DHRS7C: variants seen among roughly 807,000 people sequenced by gnomAD.
DHRS7C encodes the protein dehydrogenase/reductase SDR family member 7C.
Under a neutral mutation model 29.6 loss-of-function variants are expected in DHRS7C, and 28 were observed. The ratio of observed to expected loss-of-function variants is 0.95; its 90% CI spans 0.70 to 1.30. The LOEUF (loss-of-function observed/expected upper bound fraction) is 1.30, where lower values mean the gene tolerates loss of function less well. DHRS7C is among the 50% of genes most tolerant of loss of function. The probability of loss-of-function intolerance (pLI) is 0.00; values close to 1 mark genes in which losing one functional copy is unlikely to be tolerated. For synonymous variants in DHRS7C, 158 were observed against 160.2 expected, an observed-to-expected ratio of 0.99 and a Z score of 0.10; for missense variants, 403 against 393.3, an observed-to-expected ratio of 1.02 and a Z score of -0.21.
intron 5 of DHRS7C, among the ~76,000 whole-genome samples, chr17:9,772,408 C>T (rs542464643): frequency 6.6e-6 from 1 of 152,334 alleles, no homozygotes; most frequent in East Asian, 1.9e-4. Context: ...GACTCTCGGC[C>T]TCCACTCTGT....
rs78434374 is a variant in DHRS7C at position 9,779,256 on chromosome 17, G to A, written c.478+569C>T. Among the ~76,000 whole-genome samples the A allele has an allele frequency of 3.9e-3, 599 of 152,182 alleles. 3 individuals are homozygous for A. Among genetic ancestry groups the A allele is most frequent in the African/African-American group, 0.014 (566 of 41,510 alleles). On this transcript the variant is annotated intron_variant, in intron 3 of 5. Transcript: ENST00000571134. ...AAATCTGCACCTGGGTATCTCCTAG[G>A]CCCCTCAGACAGGTTCACGTAGGAA...
intron 1 of DHRS7C, among the ~76,000 whole-genome samples, chr17:9,786,793 G>A (rs1360948582): frequency 6.6e-6 from 1 of 152,250 alleles, no homozygotes; most frequent in African/African-American, 2.4e-5. Flanking sequence ...GGCCAGCAGG[G>A]AAGCCAGGAT....
chr17:9,775,411 G>A lies in DHRS7C; in HGVS notation c.571+1782C>T, dbSNP rs910745152. Among the ~76,000 whole-genome samples the A allele has an allele frequency of 5.3e-5, 8 of 152,338 alleles. No individual in the cohort carries two copies. Among genetic ancestry groups the A allele is most frequent in the Middle Eastern group, 3.4e-3 (1 of 294 alleles). ...GTTCTCCCAATAGGATGTGAGCAGC[G>A]GTGATGCCAGCCTGGGGACAATGGG... On this transcript the variant is annotated intron_variant, in intron 4 of 5. Transcript: ENST00000571134. This position sits in a 1 kb window ranked among gnomAD's most constrained non-coding sequence, Gnocchi z 4.2.
chr17:9,780,567 A>G (rs1340883945), intron 2 of DHRS7C, among the ~76,000 whole-genome samples: 2 of 152,230 alleles, frequency 1.3e-5, no homozygotes, highest in African/African-American at 4.8e-5. Flanking sequence ...TCAAGACTCT[A>G]TTGATCTAGG....
In DHRS7C at chr17:9,791,156, G is replaced by A. The variant is rs375710874; in HGVS notation, c.129C>T (p.Thr43=). 83 of 1,613,212 alleles carry A rather than the reference G, an allele frequency of 5.1e-5. No individual in the cohort carries two copies. The highest frequency in any genetic ancestry group is 2.5e-4 in the African/African-American group (19 of 74,930). Residue 43 remains threonine, a synonymous_variant, in exon 1 of 6, where the codon ACC becomes ACT. Transcript: ENST00000571134. ...SAVQNKVVVI[T]DAISGLGKEC... ...CCTTGCCCAGTCCTGAGATGGCATC[G>A]GTGATCACCACCACTTTGTTCTGCA...
intron 1 of DHRS7C, among the ~76,000 whole-genome samples, chr17:9,787,903 G>C (rs1042811497): frequency 6.6e-6 from 1 of 152,074 alleles, no homozygotes; most frequent in Non-Finnish European, 1.5e-5. Context: ...ATATGCGGGG[G>C]TCTTACTATG....
Position 9,776,000 on chromosome 17 carries a change from G to T in DHRS7C, c.571+1193C>A, listed in dbSNP as rs770881696. On this transcript the variant is annotated intron_variant, in intron 4 of 5. Transcript: ENST00000571134. The surrounding 1 kb of genome is among the most constrained non-coding windows in gnomAD (Gnocchi z 4.2). ...GTGAATCACCAGAGGTCAGGAGTTC[G>T]AGATCAGCCTGGCCAATATGGGGAA... Among the ~76,000 whole-genome samples the T allele has an allele frequency of 2.0e-5, 3 of 152,174 alleles. No homozygotes were observed. The highest frequency in any genetic ancestry group is 1.5e-5 in the Non-Finnish European group (1 of 68,032).
chr17:9,776,202 C>CA (rs1393192419), intron 4 of DHRS7C, among the ~76,000 whole-genome samples: 10 of 151,464 alleles, frequency 6.6e-5, no homozygotes, highest in Non-Finnish European at 1.5e-4. Flanking sequence ...GATTCTGTCT[C>CA]AAAAAAAGAA....
intron 3 of DHRS7C, among the ~76,000 whole-genome samples, chr17:9,778,408 A>AG (rs2066374890): frequency 1.3e-5 from 2 of 151,902 alleles, no homozygotes; most frequent in African/African-American, 4.8e-5. Context: ...AAAAAAAAAA[A>AG]AAAAGAAAGA....
At position 9,778,705 on chromosome 17, in the gene DHRS7C, C is replaced by T. The variant is rs1423653439; in HGVS notation, c.478+1120G>A. Among the ~76,000 whole-genome samples, 5 of 152,172 alleles carry T rather than the reference C, an allele frequency of 3.3e-5. No individual in the cohort carries two copies. The East Asian group carries it at 7.7e-4, about 23-fold the overall frequency. On this transcript the variant is annotated intron_variant, in intron 3 of 5. Transcript: ENST00000571134. ...GAAAGTCATCTTTCTGCCCCAAATG[C>T]GTCTTTCTCTTCATCTGTCTTAGTA...
chr17:9,776,132 G>A (rs1287435633), intron 4 of DHRS7C, among the ~76,000 whole-genome samples: 1 of 152,240 alleles, frequency 6.6e-6, no homozygotes, highest in Non-Finnish European at 1.5e-5. Context: ...GATCCTGGGA[G>A]GTGGAGGTTG....
At position 9,791,326 on chromosome 17, in the gene DHRS7C, C is replaced by T; in HGVS notation, c.-42G>A. ...ACGGAGTAAAAGGGGATTGGCTTTG[C>T]AAAGAGACGCTGATCAGGACTCCCA... is the stretch of plus-strand genomic sequence containing the variant. On this transcript the variant is annotated 5_prime_UTR_variant, in exon 1 of 6. Coordinates refer to ENST00000571134, the MANE Select transcript of DHRS7C (RefSeq NM_001105571.3). The T allele has an allele frequency of 6.2e-7, 1 of 1,601,764 alleles. No individual in the cohort carries two copies. The highest frequency in any genetic ancestry group is 8.5e-7 in the Non-Finnish European group (1 of 1,173,872).
chr17:9,780,998 A>G (rs1357917383), intron 2 of DHRS7C, among the ~76,000 whole-genome samples: 1 of 152,234 alleles, frequency 6.6e-6, no homozygotes, highest in Non-Finnish European at 1.5e-5. Flanking sequence ...TTAGAAAAAT[A>G]TATCCTGAAG....
intron 1 of DHRS7C, among the ~76,000 whole-genome samples, chr17:9,788,803 C>G (rs908163743): frequency 3.9e-5 from 6 of 152,216 alleles, no homozygotes; most frequent in Non-Finnish European, 8.8e-5. Flanking sequence ...CCGTCAGCAG[C>G]GTGGAGAGCT....
chr17:9,773,411 C>G (rs905628771), intron 4 of DHRS7C, among the ~76,000 whole-genome samples: 1 of 152,126 alleles, frequency 6.6e-6, no homozygotes, highest in African/African-American at 2.4e-5. Flanking sequence ...CTCGGAGAGC[C>G]CGTCCAGGTA....
intron 1 of DHRS7C, among the ~76,000 whole-genome samples, chr17:9,784,285 A>C (rs2066410187): frequency 3.9e-5 from 6 of 152,194 alleles, no homozygotes; most frequent in Admixed American, 3.9e-4. Context: ...ATCCTGGCTA[A>C]CACGGTGAAA....
chr17:9,776,179 G>A (rs773978046), intron 4 of DHRS7C, among the ~76,000 whole-genome samples: 3 of 152,142 alleles, frequency 2.0e-5, no homozygotes, highest in African/African-American at 4.8e-5. Flanking sequence ...CTCCAGCCTG[G>A]GCAACAGAGT....
chr17:9,779,293 C>T (rs139951999), intron 3 of DHRS7C, among the ~76,000 whole-genome samples: 1 of 152,314 alleles, frequency 6.6e-6, no homozygotes, highest in African/African-American at 2.4e-5. Context: ...CACCATCTTA[C>T]TCATTAAAGG....
chr17:9,783,146 C>T (rs1023005146), intron 1 of DHRS7C, among the ~76,000 whole-genome samples: 1 of 152,078 alleles, frequency 6.6e-6, no homozygotes, highest in African/African-American at 2.4e-5. Flanking sequence ...TCCATGAGGC[C>T]TTAAAACAGG....
Sources: gnomAD v4.1 joint callset for allele counts (sites outside exome capture counted in the v4.1 genomes callset) on GRCh38, gnomAD v4.1.1 for gene constraint, Gnocchi (gnomAD v3.1) non-coding constraint, MANE v1.5 for transcripts, NCBI Gene and HGNC (gene_info 2026-07-23, HGNC 2026-07-21) for gene names.